The following UNC13C variants were observed in gnomAD, a reference collection of about 807,000 sequenced individuals.
UNC13C encodes the protein unc-13 homolog C.
Under a neutral mutation model 245.4 loss-of-function variants are expected in UNC13C, and 174 were observed. The observed-to-expected ratio is 0.71, with a 90% CI of 0.63 to 0.80. The LOEUF (loss-of-function observed/expected upper bound fraction) is 0.80. UNC13C is among the 30% of genes least tolerant of loss of function. The pLI is 0.00. For missense variants in UNC13C, 2,829 were observed against 2,602.9 expected (o/e 1.09, Z -1.89); for synonymous variants, 992 against 895.1 (o/e 1.11, Z -1.93).
At chr15:54,271,148 GC>G (rs1473289376) in intron 10 of UNC13C, among the ~76,000 whole-genome samples, 1 of 152,038 alleles carries the variant, frequency 6.6e-6, no homozygotes, top group African/African-American at 2.4e-5. Context: ...TCAGAATGGG[GC>G]ACTCTGGACA....
intron 19 of UNC13C, among the ~76,000 whole-genome samples, chr15:54,477,554 C>G (rs1353255467): frequency 1.9e-5 from 2 of 102,878 alleles, no homozygotes; most frequent in African/African-American, 3.5e-5. Context: ...TTTTCTGCAT[C>G]TATTGAGATA....
chr15:54,514,870 A>C (rs960494605), intron 24 of UNC13C, among the ~76,000 whole-genome samples: 1 of 152,230 alleles, frequency 6.6e-6, no homozygotes, highest in Admixed American at 6.5e-5. Flanking sequence ...ACAGTCACTT[A>C]AGCAATCATT....
At chr15:54,074,317 C>G (rs1444976165) in intron 2 of UNC13C, among the ~76,000 whole-genome samples, 1 of 152,146 alleles carries the variant, frequency 6.6e-6, no homozygotes, top group East Asian at 1.9e-4. Context: ...AGCATGATGC[C>G]TCTAGCTTTG....
the UNC13C span, among the ~76,000 whole-genome samples, chr15:53,876,245 C>G: frequency 6.6e-6 from 1 of 152,176 alleles, no homozygotes; most frequent in African/African-American, 2.4e-5. Context: ...TCACTGGTAT[C>G]TCTGGTTTTC....
chr15:54,433,647 G>A (rs1567268052), intron 19 of UNC13C, among the ~76,000 whole-genome samples: 1 of 152,052 alleles, frequency 6.6e-6, no homozygotes, highest in Non-Finnish European at 1.5e-5. Flanking sequence ...GGCAAAAGCT[G>A]AAAACATTCC....
intron 28 of UNC13C, among the ~76,000 whole-genome samples, chr15:54,551,602 T>C (rs1184016822): frequency 6.6e-6 from 1 of 152,100 alleles, no homozygotes; most frequent in East Asian, 1.9e-4. Context: ...CTGAATTCTT[T>C]TTTAATTCTA....
At position 54,525,561 on chromosome 15, in the gene UNC13C, G is replaced by C; in HGVS notation, c.5470G>C (p.Ala1824Pro). 1 of 1,612,406 alleles carries C rather than the reference G, an allele frequency of 6.2e-7. No homozygotes were observed. The highest frequency in any genetic ancestry group is 1.1e-5 in the South Asian group (1 of 90,638). The change falls in exon 25 of 33, where the codon GCT becomes CCT. Residue 1824 changes from alanine (A) to proline (P), a missense_variant. Ala to Pro is a conservative substitution (Grantham distance 27). Transcript: ENST00000260323. Reference sequence around the variant, plus strand: ...GGTCTCTCTGCAGCTAGATTCTGAAGCTAGTACTATTCTAAAAGAACTTCA... The same window carrying C: ...GGTCTCTCTGCAGCTAGATTCTGAACCTAGTACTATTCTAAAAGAACTTCA... ...SMGGKELDSE[A>P]STILKELQVK...
the UNC13C span, among the ~76,000 whole-genome samples, chr15:53,930,407 C>T: frequency 6.6e-6 from 1 of 152,120 alleles, no homozygotes; most frequent in Non-Finnish European, 1.5e-5. Context: ...GAAGGAGTGG[C>T]CTGTAACTAA....
At chr15:54,332,541 C>T (rs1276109562) in intron 15 of UNC13C, among the ~76,000 whole-genome samples, 2 of 151,932 alleles carry the variant, frequency 1.3e-5, no homozygotes, top group South Asian at 2.1e-4. Context: ...CCTCCTGGAT[C>T]GTGATACCAA....
chr15:54,598,861 G>A (rs963682274), intron 30 of UNC13C, among the ~76,000 whole-genome samples: 5 of 152,038 alleles, frequency 3.3e-5, no homozygotes, highest in South Asian at 2.1e-4. Context: ...GCACAAATAC[G>A]TATTTGACAA....
At chr15:54,462,640 G>A (rs796149906) in intron 19 of UNC13C, among the ~76,000 whole-genome samples, 16 of 152,342 alleles carry the variant, frequency 1.1e-4, no homozygotes, top group African/African-American at 2.4e-4. Context: ...CAGCACTGCC[G>A]GCCTGCCCGC....
At chr15:54,334,365 A>G (rs2038518919) in intron 16 of UNC13C, among the ~76,000 whole-genome samples, 1 of 152,006 alleles carries the variant, frequency 6.6e-6, no homozygotes, top group Admixed American at 6.6e-5. Context: ...TTCTTTTTAG[A>G]TATATCATTT....
chr15:54,501,558 G>A (rs1047829204), intron 22 of UNC13C, among the ~76,000 whole-genome samples: 1 of 152,014 alleles, frequency 6.6e-6, no homozygotes, highest in African/African-American at 2.4e-5. Context: ...AGAGTTTCAA[G>A]GGAAATATAA....
chr15:54,258,848 TAAAC>T (rs1365713328), intron 8 of UNC13C, among the ~76,000 whole-genome samples: 1 of 152,200 alleles, frequency 6.6e-6, no homozygotes, highest in Non-Finnish European at 1.5e-5. Context: ...TTGAGAGAGA[TAAAC>T]TAACAAGCTC....
intron 30 of UNC13C, among the ~76,000 whole-genome samples, chr15:54,586,765 A>C: frequency 6.6e-6 from 1 of 152,376 alleles, no homozygotes; most frequent in Middle Eastern, 3.4e-3. Flanking sequence ...AATCAAGGAA[A>C]TAAACAGTGA....
the UNC13C span, among the ~76,000 whole-genome samples, chr15:53,919,071 G>A: frequency 2.6e-5 from 4 of 152,012 alleles, no homozygotes; most frequent in South Asian, 2.1e-4. Context: ...TTCCTAACTC[G>A]CCAATTTTTT....
chr15:54,365,583 T>C (rs2039346023), intron 17 of UNC13C, among the ~76,000 whole-genome samples: 1 of 152,106 alleles, frequency 6.6e-6, no homozygotes, highest in African/African-American at 2.4e-5. Context: ...TCTTTTGTAT[T>C]ACGTAGGAAT....
intron 11 of UNC13C, among the ~76,000 whole-genome samples, chr15:54,294,553 G>A (rs2037382055): frequency 6.6e-6 from 1 of 152,072 alleles, no homozygotes; most frequent in Admixed American, 6.6e-5. Flanking sequence ...CTCTCTTGAT[G>A]AAGATACTGA....
intron 4 of UNC13C, among the ~76,000 whole-genome samples, chr15:54,206,816 C>G (rs1360733761): frequency 6.6e-6 from 1 of 152,006 alleles, no homozygotes; most frequent in Non-Finnish European, 1.5e-5. Flanking sequence ...AAAATTATAG[C>G]GAAGTGAAAC....
Sources: allele counts gnomAD v4.1 joint callset (sites outside exome capture counted in the v4.1 genomes callset), GRCh38; gene constraint gnomAD v4.1.1; transcripts MANE v1.5; gene names NCBI Gene and HGNC (gene_info 2026-07-23, HGNC 2026-07-21).